Variants in UGCG observed in about 807,000 individuals in gnomAD.
The protein encoded by UGCG is ceramide glucosyltransferase.
UGCG carries 10 observed loss-of-function variants against 49.5 expected under a neutral mutation model. The ratio of observed to expected loss-of-function variants is 0.20; its 90% CI spans 0.12 to 0.34. UGCG has a LOEUF of 0.34. Among genes scored for constraint, UGCG ranks in the 10% least tolerant of loss-of-function variants. UGCG has a pLI of 1.00. For synonymous variants in UGCG, 182 were observed against 158.2 expected (o/e 1.15, Z -1.13); for missense variants, 312 against 483.7 (o/e 0.65, Z 3.33).
chr9:111,914,028 C>T (rs146588535), intron 1 of UGCG, among the ~76,000 whole-genome samples: 6 of 151,996 alleles, frequency 3.9e-5, no homozygotes, highest in Non-Finnish European at 8.8e-5. Context: ...GTGTATTATC[C>T]CACTGCAAAG....
At chr9:111,930,586 G>T (rs1162692372) in intron 6 of UGCG, among the ~76,000 whole-genome samples, 2 of 151,278 alleles carry the variant, frequency 1.3e-5, no homozygotes, top group Non-Finnish European at 1.5e-5. Flanking sequence ...TCCTGCCTCA[G>T]CCTCCCAAGT....
intron 5 of UGCG, among the ~76,000 whole-genome samples, chr9:111,928,922 G>A (rs981568101): frequency 6.6e-6 from 1 of 151,974 alleles, no homozygotes; most frequent in African/African-American, 2.4e-5. Context: ...TAGTATCCCC[G>A]TTATGAAAAA....
Position 111,897,294 on chromosome 9 carries a change from T to G in UGCG, c.79T>G (p.Phe27Val), listed in dbSNP as rs1837681383. 1.9e-6 allele frequency: 3 copies of G among 1,558,142 alleles called. No individual in the cohort carries two copies. Among genetic ancestry groups the G allele is most frequent in the Non-Finnish European group, 2.6e-6 (3 of 1,151,538 alleles). The change falls in exon 1 of 9, where the codon TTC (phenylalanine) becomes GTC (valine). Residue 27 changes from phenylalanine (F) to valine (V), a missense_variant. By Grantham distance (50) the Phe-to-Val change is conservative. Coordinates refer to ENST00000374279, the MANE Select transcript of UGCG (RefSeq NM_003358.3). ...VLFLVLWLMH[F>V]MAIIYTRLHL... The stretch of plus-strand genomic sequence containing the variant: ...CTTCTTGGTGCTGTGGCTGATGCAT[T>G]TCATGGCTATCATCTACACGTGAGT...
intron 6 of UGCG, 141 bp downstream of exon 6, chr9:111,929,819 A>AT: frequency 1.0e-6 from 1 of 1,004,672 alleles, no homozygotes; most frequent in African/African-American, 1.7e-5. Flanking sequence ...CAATAATTTT[A>AT]TTATTTTGTT....
rs1838500808 is a variant in UGCG at position 111,935,283 on chromosome 9, G to T, written c.*2286G>T. ...TTTAATAAATCTTTAAAAAAAACCA[G>T]TGTCTAGAATATATACCATGTTTTA... On this transcript the variant is annotated 3_prime_UTR_variant, in exon 9 of 9. Transcript: ENST00000374279. 1 of 152,010 alleles carries T rather than the reference G, an allele frequency of 6.6e-6. No individual in the cohort carries two copies. The highest frequency in any genetic ancestry group is 1.5e-5 in the Non-Finnish European group (1 of 68,010). The allele number at this position is 152,010 out of a possible 1,614,324, so 9.4% of individuals were successfully genotyped here.
intron 1 of UGCG, among the ~76,000 whole-genome samples, chr9:111,902,847 G>A (rs1365819372): frequency 6.6e-6 from 1 of 151,308 alleles, no homozygotes; most frequent in African/African-American, 2.4e-5. Context: ...GTGCGATCTC[G>A]GCTTACTGCA....
chr9:111,911,122 A>G (rs1837988684), intron 1 of UGCG, among the ~76,000 whole-genome samples: 1 of 152,064 alleles, frequency 6.6e-6, no homozygotes, highest in Non-Finnish European at 1.5e-5. Flanking sequence ...CCCTCTATGG[A>G]CCAGGATTTT....
intron 2 of UGCG, among the ~76,000 whole-genome samples, chr9:111,918,715 C>T (rs999428045): frequency 2.0e-5 from 3 of 151,948 alleles, no homozygotes; most frequent in Admixed American, 6.6e-5. Context: ...GGGCGGATCA[C>T]GAGGTCAGGA....
intron 1 of UGCG, 151 bp downstream of exon 1, chr9:111,897,464 C>T: frequency 1.5e-6 from 1 of 650,954 alleles, no homozygotes. Context: ...TCCCTCGCCC[C>T]TCGGACCGGC....
At chr9:111,915,469 C>T (rs1190027492) in intron 2 of UGCG, among the ~76,000 whole-genome samples, 1 of 152,166 alleles carries the variant, frequency 6.6e-6, no homozygotes, top group Non-Finnish European at 1.5e-5. Flanking sequence ...CTTGAGACTG[C>T]TTTTGAAAGG....
chr9:111,901,963 G>A (rs916833336), intron 1 of UGCG, among the ~76,000 whole-genome samples: 2 of 152,178 alleles, frequency 1.3e-5, no homozygotes. Context: ...AATCCTCATT[G>A]CCTCCGGGTT....
intron 1 of UGCG, among the ~76,000 whole-genome samples, chr9:111,899,940 A>G (rs764972720): frequency 6.6e-6 from 1 of 152,102 alleles, no homozygotes; most frequent in African/African-American, 2.4e-5. Context: ...CAAAGCTTCT[A>G]TTGCCCTTTC....
intron 2 of UGCG, among the ~76,000 whole-genome samples, chr9:111,918,939 A>G (rs1838164513): frequency 8.5e-6 from 1 of 117,644 alleles, no homozygotes; most frequent in Admixed American, 8.7e-5. Flanking sequence ...AAAAAAAACA[A>G]AAAACAAAAA....
chr9:111,927,672 C>G (rs141358603), intron 5 of UGCG, among the ~76,000 whole-genome samples: 1 of 152,014 alleles, frequency 6.6e-6, no homozygotes, highest in African/African-American at 2.4e-5. Context: ...AGGATGGTCT[C>G]GATCTCCTGA....
intron 5 of UGCG, among the ~76,000 whole-genome samples, chr9:111,927,749 C>T (rs900574742): frequency 1.3e-5 from 2 of 152,218 alleles, no homozygotes; most frequent in African/African-American, 2.4e-5. Flanking sequence ...CCACGCCCGG[C>T]AGGAAGTTTC....
chr9:111,932,701 A>T, intron 8 of UGCG, 126 bp from the exon 9 acceptor site: 1 of 897,088 alleles, frequency 1.1e-6, no homozygotes, highest in Non-Finnish European at 1.7e-6. Context: ...CAGTTAAATT[A>T]CATAAGGAAG....
At chr9:111,919,899 CT>C (rs1418182161) in intron 2 of UGCG, among the ~76,000 whole-genome samples, 2 of 151,968 alleles carry the variant, frequency 1.3e-5, no homozygotes, top group Non-Finnish European at 1.5e-5. Flanking sequence ...CTCGTTGTTA[CT>C]TTTGCCGTTT....
intron 7 of UGCG, 63 bp from the exon 8 acceptor site, chr9:111,932,107 A>C: frequency 6.6e-7 from 1 of 1,517,532 alleles, no homozygotes; most frequent in Non-Finnish European, 8.9e-7. Flanking sequence ...TTGAGGGAAA[A>C]AAAAAAGGAT....
chr9:111,900,669 CT>C (rs1394223571), intron 1 of UGCG, among the ~76,000 whole-genome samples: 1 of 151,864 alleles, frequency 6.6e-6, no homozygotes, highest in Non-Finnish European at 1.5e-5. Flanking sequence ...AATTTTTGTG[CT>C]TTTTGTAGAG....
Sources: gnomAD v4.1 joint callset for allele counts (sites outside exome capture counted in the v4.1 genomes callset) on GRCh38, gnomAD v4.1.1 for gene constraint, MANE v1.5 for transcripts, NCBI Gene and HGNC (gene_info 2026-07-23, HGNC 2026-07-21) for gene names.